The following SAMD3 variants were observed in gnomAD, a reference collection of about 807,000 sequenced individuals.
SAMD3 encodes sterile alpha motif domain-containing protein 3.
Under a neutral mutation model 58.5 loss-of-function variants are expected in SAMD3, and 63 were observed. The ratio of observed to expected loss-of-function variants is 1.08; its 90% CI spans 0.88 to 1.33. The LOEUF (loss-of-function observed/expected upper bound fraction) is 1.33, where lower values mean the gene tolerates loss of function less well. Ranked by LOEUF, SAMD3 falls within the 40% of genes most tolerant of loss-of-function variation. The pLI, the probability that SAMD3 is intolerant of heterozygous loss-of-function variation, is 0.00. For synonymous variants in SAMD3, 220 were observed against 210.3 expected, an observed-to-expected ratio of 1.05 and a Z score of -0.40; for missense variants, 604 against 608.4, an observed-to-expected ratio of 0.99 and a Z score of 0.08.
At chr6:130,317,553 A>C (rs1776422471) in intron 1 of SAMD3, among the ~76,000 whole-genome samples, 1 of 152,236 alleles carries the variant, frequency 6.6e-6, no homozygotes, top group African/African-American at 2.4e-5. Context: ...TCTTATACAA[A>C]GAAACTGATA....
At chr6:130,233,780 A>G (rs761498809) in intron 2 of SAMD3, among the ~76,000 whole-genome samples, 24 of 152,332 alleles carry the variant, frequency 1.6e-4, no homozygotes, top group Non-Finnish European at 2.9e-4. Flanking sequence ...ACTTTGTTTT[A>G]AAAATTAATC....
intron 8 of SAMD3, among the ~76,000 whole-genome samples, chr6:130,165,160 G>C (rs926131616): frequency 2.6e-5 from 4 of 152,112 alleles, no homozygotes; most frequent in Non-Finnish European, 5.9e-5. Context: ...TAAGAACTTG[G>C]AATCAGAAAT....
chr6:130,333,802 T>C (rs936429107), intron 1 of SAMD3, among the ~76,000 whole-genome samples: 2 of 152,144 alleles, frequency 1.3e-5, no homozygotes, highest in Non-Finnish European at 2.9e-5. Flanking sequence ...ATCACAGTCA[T>C]CTATAGTCAC....
At chr6:130,365,430 C>G (rs1001686604), upstream of SAMD3, 1 of 985,362 alleles carries the variant, frequency 1.0e-6, no homozygotes, top group African/African-American at 1.7e-5. Flanking sequence ...TCTTTTCCGG[C>G]CAGGTTTGGT....
At chr6:130,210,063 C>T (rs909655231) in intron 4 of SAMD3, among the ~76,000 whole-genome samples, 16 of 152,162 alleles carry the variant, frequency 1.1e-4, no homozygotes, top group African/African-American at 3.9e-4. Flanking sequence ...CCCTTATTTT[C>T]CAAGTAATGC....
chr6:130,186,502 A>T (rs1412347403), intron 5 of SAMD3, among the ~76,000 whole-genome samples: 2 of 152,134 alleles, frequency 1.3e-5, no homozygotes, highest in African/African-American at 4.8e-5. Context: ...ACCCAATACC[A>T]CAACAGGATA....
At chr6:130,346,283 C>T (rs958166976) in intron 1 of SAMD3, among the ~76,000 whole-genome samples, 8 of 152,174 alleles carry the variant, frequency 5.3e-5, no homozygotes, top group African/African-American at 1.9e-4. Flanking sequence ...GATCGCCTCC[C>T]CTGGGAAGTG....
intron 2 of SAMD3, among the ~76,000 whole-genome samples, chr6:130,273,839 G>T (rs7772314): frequency 0.31 from 47,162 of 151,714 alleles, 7,673 homozygotes; most frequent in East Asian, 0.47. Context: ...ATTTGTATCT[G>T]TTTATACTGT....
intron 5 of SAMD3, among the ~76,000 whole-genome samples, chr6:130,195,423 C>G (rs1289918404): frequency 6.6e-6 from 1 of 152,090 alleles, no homozygotes; most frequent in Non-Finnish European, 1.5e-5. Flanking sequence ...CCTTACAATT[C>G]CCCCATTTTA....
At chr6:130,267,800 C>T (rs1240814677) in intron 2 of SAMD3, among the ~76,000 whole-genome samples, 1 of 152,202 alleles carries the variant, frequency 6.6e-6, no homozygotes, top group Admixed American at 6.5e-5. Context: ...GCCCCTGTCA[C>T]TTATGCCCTG....
intron 5 of SAMD3, among the ~76,000 whole-genome samples, chr6:130,208,984 T>C (rs947826670): frequency 1.3e-5 from 2 of 152,342 alleles, no homozygotes; most frequent in South Asian, 4.1e-4. Flanking sequence ...TTTTCCTTTG[T>C]TTAGTTGTAA....
At chr6:130,212,933 A>G (rs992506535) in intron 4 of SAMD3, among the ~76,000 whole-genome samples, 1 of 152,198 alleles carries the variant, frequency 6.6e-6, no homozygotes. Flanking sequence ...TTACATGTTC[A>G]AGAGCGTCCT....
chr6:130,363,357 G>A (rs560976378), intron 1 of SAMD3, among the ~76,000 whole-genome samples: 3 of 152,032 alleles, frequency 2.0e-5, no homozygotes, highest in African/African-American at 7.2e-5. Context: ...TCATTTCAAC[G>A]TATGTTTCCA....
chr6:130,205,739 A>T (rs1795030009), intron 5 of SAMD3, among the ~76,000 whole-genome samples: 1 of 152,204 alleles, frequency 6.6e-6, no homozygotes, highest in African/African-American at 2.4e-5. Flanking sequence ...TACAAACTTT[A>T]AAGTGATCAG....
intron 5 of SAMD3, among the ~76,000 whole-genome samples, chr6:130,190,823 T>G (rs1478704133): frequency 6.6e-6 from 1 of 151,982 alleles, no homozygotes; most frequent in African/African-American, 2.4e-5. Context: ...AGGGGCCAGG[T>G]AGAGCTGGCC....
intron 8 of SAMD3, among the ~76,000 whole-genome samples, chr6:130,175,336 GAGCTCCCGAC>G (rs1255581777): frequency 6.6e-6 from 1 of 152,128 alleles, no homozygotes; most frequent in Non-Finnish European, 1.5e-5. Flanking sequence ...CCTCAGCCTG[GAGCTCCCGAC>G]AGCCACTTCT....
intron 1 of SAMD3, among the ~76,000 whole-genome samples, chr6:130,217,979 G>A (rs1409503076): frequency 2.0e-5 from 3 of 152,104 alleles, no homozygotes; most frequent in Non-Finnish European, 4.4e-5. Flanking sequence ...GGAAAATTGA[G>A]GTACAAAAAT....
chr6:130,317,432 T>C (rs1363855074), intron 1 of SAMD3, among the ~76,000 whole-genome samples: 1 of 152,228 alleles, frequency 6.6e-6, no homozygotes, highest in Non-Finnish European at 1.5e-5. Flanking sequence ...TATATGATAC[T>C]ATGTATATCT....
intron 2 of SAMD3, among the ~76,000 whole-genome samples, chr6:130,293,225 T>C (rs1364804640): frequency 6.6e-6 from 1 of 152,188 alleles, no homozygotes; most frequent in Non-Finnish European, 1.5e-5. Context: ...TAGTTCAAAA[T>C]GACATTTGAG....
Sources: gnomAD v4.1 joint callset for allele counts (sites outside exome capture counted in the v4.1 genomes callset) on GRCh38, gnomAD v4.1.1 for gene constraint, MANE v1.5 for transcripts, NCBI Gene and HGNC (gene_info 2026-07-23, HGNC 2026-07-21) for gene names.